The following FUT8 variants were observed in gnomAD, a reference collection of about 807,000 sequenced individuals.
FUT8 encodes the protein alpha-(1,6)-fucosyltransferase.
A neutral mutation model predicts 71.3 loss-of-function variants in FUT8; 29 were observed. The ratio of observed to expected loss-of-function variants is 0.41; its 90% CI spans 0.30 to 0.55. FUT8 has a LOEUF of 0.55. FUT8 is among the 20% of genes least tolerant of loss of function. FUT8 has a pLI of 0.34. For synonymous variants in FUT8, 254 were observed against 239.3 expected (o/e 1.06, Z -0.57); for missense variants, 544 against 702.1 (o/e 0.77, Z 2.55).
intron 7 of FUT8, among the ~76,000 whole-genome samples, chr14:65,696,014 C>T (rs527276419): frequency 6.6e-6 from 1 of 152,112 alleles, no homozygotes; most frequent in African/African-American, 2.4e-5. Context: ...AATGCCAAGA[C>T]CTTATAACAG....
the FUT8 span, among the ~76,000 whole-genome samples, chr14:65,378,842 T>TG: frequency 1.5e-5 from 2 of 131,728 alleles, no homozygotes; most frequent in South Asian, 2.8e-4. Flanking sequence ...AGAAGGTTTT[T>TG]TTTTTTTTTT....
At chr14:65,523,164 G>C (rs2139869872) in intron 2 of FUT8, among the ~76,000 whole-genome samples, 1 of 152,296 alleles carries the variant, frequency 6.6e-6, no homozygotes, top group South Asian at 2.1e-4. Context: ...CTTCCACAAT[G>C]GTTGAACTAG....
chr14:65,721,795 G>A lies in FUT8; in HGVS notation c.856G>A (p.Val286Ile), dbSNP rs1895427981. 3 of 1,614,170 alleles carry A rather than the reference G, an allele frequency of 1.9e-6. No homozygotes were observed. In the East Asian group the frequency reaches 6.7e-5, roughly 36 times the overall value. Residue 286 changes from valine (V) to isoleucine (I), a missense_variant, in exon 8 of 11, where the codon GTT becomes ATT. Physicochemically the swap from Val to Ile is conservative, Grantham distance 29 (BLOSUM62 3). Transcript: ENST00000673929. ...HWSGEVKDKN[V>I]QVVELPIVDS... ...GTCAGGTGAAGTGAAGGACAAAAAT[G>A]TTCAAGTGGTCGAGCTTCCCATTGT...
the FUT8 span, among the ~76,000 whole-genome samples, chr14:65,394,285 G>T: frequency 1.3e-5 from 2 of 152,126 alleles, no homozygotes; most frequent in African/African-American, 2.4e-5. Context: ...AAAACCATCA[G>T]ATCTCATGAG....
chr14:65,389,184 A>AT, the FUT8 span, among the ~76,000 whole-genome samples: 3 of 115,478 alleles, frequency 2.6e-5, no homozygotes, highest in African/African-American at 1.0e-4. Flanking sequence ...TATATATATA[A>AT]AAAAATTATT....
Position 65,643,393 on chromosome 14 carries a change from G to T in FUT8, c.597+13787G>T, listed in dbSNP as rs1206185506. ...ATTCTGGCCCAGCGTGGTGGCTCAC[G>T]CCTGTAATCCCAGCACTTTGGGAGG... On this transcript the variant is annotated intron_variant, in intron 6 of 10. Transcript: ENST00000673929. This position sits in a 1 kb window ranked among gnomAD's most constrained non-coding sequence, Gnocchi z 4.5. Among the ~76,000 whole-genome samples the T allele has an allele frequency of 6.6e-6, 1 of 152,046 alleles. No homozygotes were observed. The highest frequency in any genetic ancestry group is 1.9e-4 in the East Asian group (1 of 5,192).
rs1340583584 is a variant in FUT8, at chr14:65,721,954, C to A, written c.1015C>A (p.Gln339Lys). The A allele has an allele frequency of 6.2e-7, 1 of 1,614,084 alleles. No homozygotes were observed. ...GTTTGTCAAATACTTGATCCGCCCA[C>A]AGCCTTGGCTAGAAAAAGAAATAGA... ...SQFVKYLIRP[Q>K]PWLEKEIEEA... Residue 339 changes from glutamine (Q) to lysine (K), a missense_variant, in exon 8 of 11, where the codon CAG (glutamine) becomes AAG (lysine). Physicochemically the swap from Gln to Lys is moderately conservative, Grantham distance 53. Coordinates refer to ENST00000673929, the MANE Select transcript of FUT8 (RefSeq NM_001371533.1).
At chr14:65,709,121 C>T (rs545128420) in intron 7 of FUT8, among the ~76,000 whole-genome samples, 1 of 152,158 alleles carries the variant, frequency 6.6e-6, no homozygotes, top group African/African-American at 2.4e-5. Flanking sequence ...CATAAAAATA[C>T]ATATACAATT....
chr14:65,626,420 T>C (rs912441984), intron 5 of FUT8, among the ~76,000 whole-genome samples: 1 of 152,160 alleles, frequency 6.6e-6, no homozygotes, highest in East Asian at 1.9e-4. Flanking sequence ...GATTCAGACT[T>C]TCTGATTTTT....
intron 2 of FUT8, among the ~76,000 whole-genome samples, chr14:65,514,258 A>G (rs553665823): frequency 6.7e-6 from 1 of 150,258 alleles, no homozygotes; most frequent in South Asian, 2.1e-4. Flanking sequence ...AGAAGAGGAA[A>G]ACTTCATGGC....
intron 5 of FUT8, among the ~76,000 whole-genome samples, chr14:65,624,231 A>G (rs1889774645): frequency 6.6e-6 from 1 of 152,124 alleles, no homozygotes; most frequent in Admixed American, 6.5e-5. Flanking sequence ...TCATGAAGTT[A>G]CAGTAACTTA....
At chr14:65,685,898 T>G (rs1893265609) in intron 7 of FUT8, among the ~76,000 whole-genome samples, 1 of 152,220 alleles carries the variant, frequency 6.6e-6, no homozygotes, top group Admixed American at 6.5e-5. Flanking sequence ...TTTGATGGGT[T>G]TTGGCTGGCT....
At chr14:65,551,650 T>C (rs1043123852) in intron 2 of FUT8, among the ~76,000 whole-genome samples, 1 of 152,156 alleles carries the variant, frequency 6.6e-6, no homozygotes, top group Non-Finnish European at 1.5e-5. Context: ...AGTTCACAGG[T>C]GTCTACTTTG....
chr14:65,391,578 ACTC>A, the FUT8 span, among the ~76,000 whole-genome samples: 1 of 151,622 alleles, frequency 6.6e-6, no homozygotes, highest in African/African-American at 2.4e-5. Flanking sequence ...CTGGTCTCGA[ACTC>A]CTGACCTCGT....
chr14:65,629,156 T>C (rs1050427931), intron 5 of FUT8, among the ~76,000 whole-genome samples: 1 of 152,250 alleles, frequency 6.6e-6, no homozygotes, highest in African/African-American at 2.4e-5. Flanking sequence ...CGTCAACTTC[T>C]TTCTCTATGT....
At chr14:65,531,357 T>G (rs1163855419) in intron 2 of FUT8, among the ~76,000 whole-genome samples, 1 of 152,100 alleles carries the variant, frequency 6.6e-6, no homozygotes, top group Non-Finnish European at 1.5e-5. Flanking sequence ...ATGTCTATGC[T>G]ATTCTTAGAA....
At chr14:65,450,888 G>A (rs1017042441) in intron 1 of FUT8, among the ~76,000 whole-genome samples, 9 of 150,412 alleles carry the variant, frequency 6.0e-5, no homozygotes, top group African/African-American at 2.0e-4. Context: ...TTTTTGAGAG[G>A]GAGTCTTCCC....
chr14:65,609,850 A>G (rs1366732074), intron 3 of FUT8, among the ~76,000 whole-genome samples: 1 of 151,790 alleles, frequency 6.6e-6, no homozygotes, highest in Non-Finnish European at 1.5e-5. Context: ...GTGTTTCCAT[A>G]TGAATTTTAT....
intron 2 of FUT8, among the ~76,000 whole-genome samples, chr14:65,492,906 T>TCTCTCC (rs1405365860): frequency 6.6e-6 from 1 of 152,042 alleles, no homozygotes; most frequent in Admixed American, 6.6e-5. Context: ...CGTGTCTCTG[T>TCTCTCC]CTCTCCCTCC....
Sources: gnomAD v4.1 joint callset for allele counts (sites outside exome capture counted in the v4.1 genomes callset) on GRCh38, gnomAD v4.1.1 for gene constraint, Gnocchi (gnomAD v3.1) non-coding constraint, MANE v1.5 for transcripts, NCBI Gene and HGNC (gene_info 2026-07-23, HGNC 2026-07-21) for gene names.